The following FGF14 variants were observed in gnomAD, a reference collection of about 807,000 sequenced individuals.
FGF14 encodes fibroblast growth factor homologous factor 4.
In FGF14, 5 loss-of-function variants were observed where a neutral mutation model predicts 25.5. That is an observed-to-expected ratio of 0.20 (90% CI 0.10 to 0.41). FGF14 has a LOEUF of 0.41. Among genes scored for constraint, FGF14 ranks in the 10% least tolerant of loss-of-function variants. The pLI, the probability that FGF14 is intolerant of heterozygous loss-of-function variation, is 1.00. For synonymous variants in FGF14, 138 were observed against 118.3 expected (o/e 1.17, Z -1.08); for missense variants, 222 against 320.1 (o/e 0.69, Z 2.34).
chr13:101,809,248 G>T (rs2041365049), intron 3 of FGF14, among the ~76,000 whole-genome samples: 1 of 152,038 alleles, frequency 6.6e-6, no homozygotes, highest in African/African-American at 2.4e-5. Flanking sequence ...TAGAGAAAAA[G>T]AACTTAACTT....
chr13:102,272,461 T>G (rs1187790091), intron 1 of FGF14, among the ~76,000 whole-genome samples: 1 of 152,162 alleles, frequency 6.6e-6, no homozygotes, highest in Non-Finnish European at 1.5e-5. Flanking sequence ...ATTTCACCCT[T>G]GTAAGTCCAG....
At chr13:102,022,790 T>A (rs2139876071) in intron 1 of FGF14, among the ~76,000 whole-genome samples, 1 of 152,248 alleles carries the variant, frequency 6.6e-6, no homozygotes, top group African/African-American at 2.4e-5. Flanking sequence ...AAAGCCTCTG[T>A]ATTAATAAAC....
intron 3 of FGF14, among the ~76,000 whole-genome samples, chr13:101,846,232 G>C (rs986302348): frequency 1.3e-5 from 2 of 151,624 alleles, no homozygotes; most frequent in Non-Finnish European, 2.9e-5. Context: ...TGACCACAAA[G>C]CTCCAGGTGA....
intron 1 of FGF14, among the ~76,000 whole-genome samples, chr13:102,330,948 A>C (rs910300542): frequency 6.6e-6 from 1 of 152,250 alleles, no homozygotes; most frequent in African/African-American, 2.4e-5. Flanking sequence ...TAAATAAATT[A>C]ATGAATGGAT....
chr13:102,023,398 C>T (rs2040770459), intron 1 of FGF14, among the ~76,000 whole-genome samples: 1 of 151,934 alleles, frequency 6.6e-6, no homozygotes, highest in Non-Finnish European at 1.5e-5. Flanking sequence ...TGGTATAGAG[C>T]TCTTAATAGA....
intron 1 of FGF14, among the ~76,000 whole-genome samples, chr13:101,910,480 AT>A (rs2032802616): frequency 1.3e-5 from 2 of 152,134 alleles, no homozygotes; most frequent in South Asian, 4.2e-4. Context: ...GTGATGCCGT[AT>A]GGGTTCCTAT....
intron 1 of FGF14, among the ~76,000 whole-genome samples, chr13:101,877,805 A>T (rs181091343): frequency 6.6e-6 from 1 of 152,236 alleles, no homozygotes; most frequent in Non-Finnish European, 1.5e-5. Flanking sequence ...TCACTTTTCC[A>T]TTGGCCACAT....
intron 1 of FGF14, among the ~76,000 whole-genome samples, chr13:101,891,243 C>G (rs575029377): frequency 1.3e-5 from 2 of 152,210 alleles, no homozygotes; most frequent in African/African-American, 4.8e-5. Flanking sequence ...GTCTAGTTAC[C>G]TTGCTCCAAA....
intron 1 of FGF14, among the ~76,000 whole-genome samples, chr13:102,239,570 C>A (rs186447780): frequency 6.6e-6 from 1 of 152,108 alleles, no homozygotes; most frequent in Non-Finnish European, 1.5e-5. Flanking sequence ...AAATGGGGAA[C>A]ATGCATTTAT....
Position 102,145,232 on chromosome 13 carries a change from T to C in FGF14, c.208+256239A>G, listed in dbSNP as rs114386130. On this transcript the variant is annotated intron_variant, in intron 1 of 4. Transcript: ENST00000376131. ...ATTAAGTTATGACAATCATGGCAAT[T>C]GGGTTTTTTTGGCAATGATTGATTT... Among the ~76,000 whole-genome samples, 442 of 152,252 alleles carry C rather than the reference T, an allele frequency of 2.9e-3. 3 individuals carry two copies. The highest frequency in any genetic ancestry group is 9.9e-3 in the African/African-American group (410 of 41,548).
intron 3 of FGF14, among the ~76,000 whole-genome samples, chr13:101,771,282 T>C (rs1299492158): frequency 6.6e-6 from 1 of 152,082 alleles, no homozygotes; most frequent in Non-Finnish European, 1.5e-5. Flanking sequence ...GAAGAAAGCT[T>C]TGGCAAATAC....
chr13:102,333,484 C>T (rs1260408364), intron 1 of FGF14, among the ~76,000 whole-genome samples: 1 of 152,138 alleles, frequency 6.6e-6, no homozygotes, highest in Non-Finnish European at 1.5e-5. Flanking sequence ...CCTGCTATAC[C>T]GTTTCCTATG....
chr13:101,972,556 T>C (rs893483101), intron 1 of FGF14, among the ~76,000 whole-genome samples: 1 of 152,362 alleles, frequency 6.6e-6, no homozygotes. Flanking sequence ...TAAGAGATCA[T>C]TGCCTCCAGG....
chr13:102,191,213 G>T (rs770069310), intron 1 of FGF14, among the ~76,000 whole-genome samples: 1 of 152,180 alleles, frequency 6.6e-6, no homozygotes, highest in African/African-American at 2.4e-5. Context: ...AGCTACCTGA[G>T]GCATCTATAA....
At chr13:102,192,136 C>T (rs1018877434) in intron 1 of FGF14, among the ~76,000 whole-genome samples, 5 of 152,218 alleles carry the variant, frequency 3.3e-5, no homozygotes, top group Admixed American at 1.3e-4. Context: ...AATGGTCCCA[C>T]CCTTTGCCAC....
chr13:102,048,401 G>A (rs572188224), intron 1 of FGF14, among the ~76,000 whole-genome samples: 6 of 152,208 alleles, frequency 3.9e-5, no homozygotes, highest in South Asian at 4.2e-4. Flanking sequence ...GTTAGTATAC[G>A]GTAACTATCA....
chr13:102,187,563 C>T (rs1398794359), intron 1 of FGF14, among the ~76,000 whole-genome samples: 1 of 152,184 alleles, frequency 6.6e-6, no homozygotes, highest in Non-Finnish European at 1.5e-5. Context: ...ATCTAGTCCC[C>T]ATCATTGCCC....
intron 1 of FGF14, among the ~76,000 whole-genome samples, chr13:102,124,372 G>C (rs1287121443): frequency 6.6e-6 from 1 of 151,992 alleles, no homozygotes; most frequent in Non-Finnish European, 1.5e-5. Flanking sequence ...CCAAAATAGA[G>C]ATGATTATAC....
chr13:101,875,396 T>C lies in FGF14; in HGVS notation c.194-100A>G, dbSNP rs527392407. ...TCTTTTTTCAGAAGAGGACATTTTA[T>C]ACAAGTAGCATATTTTATTTTGTCT... On this transcript the variant is annotated intron_variant, in intron 1 of 4. Coordinates refer to ENST00000376143, the MANE Select transcript of FGF14 (RefSeq NM_004115.4). 241 of 795,252 alleles carry C rather than the reference T, an allele frequency of 3.0e-4. 1 individual carries two copies. The African/African-American group carries it at 3.3e-3, about 11-fold the overall frequency. 49.3% of individuals were successfully genotyped at this position (795,252 alleles called of 1,614,324 possible).
Sources: gnomAD v4.1 joint callset for allele counts (sites outside exome capture counted in the v4.1 genomes callset) on GRCh38, gnomAD v4.1.1 for gene constraint, MANE v1.5 for transcripts, NCBI Gene and HGNC (gene_info 2026-07-23, HGNC 2026-07-21) for gene names.